Variants in UBR1 observed in about 807,000 individuals in gnomAD.
UBR1 encodes E3 ubiquitin-protein ligase UBR1.
Under a neutral mutation model 242.1 loss-of-function variants are expected in UBR1, and 102 were observed. The ratio of observed to expected loss-of-function variants is 0.42; its 90% CI spans 0.36 to 0.50. UBR1 has a LOEUF of 0.50. UBR1 is among the 20% of genes least tolerant of loss of function. The probability of loss-of-function intolerance (pLI) is 0.01; values close to 1 mark genes in which losing one functional copy is unlikely to be tolerated. For missense variants in UBR1, 1,772 were observed against 2,101.8 expected (o/e 0.84, Z 3.07); for synonymous variants, 675 against 684.8 (o/e 0.99, Z 0.22).
At position 43,032,615 on chromosome 15, in the gene UBR1, T is replaced by C. The variant is rs1328285200; in HGVS notation, c.2207A>G (p.Tyr736Cys). The C allele has an allele frequency of 6.5e-7, 1 of 1,528,862 alleles. No homozygotes were observed. The highest frequency in any genetic ancestry group is 9.0e-7 in the Non-Finnish European group (1 of 1,109,142). 94.7% of individuals were successfully genotyped at this position (1,528,862 alleles called of 1,614,324 possible). Residue 736 changes from tyrosine (Y) to cysteine (C), a missense_variant, in exon 20 of 47, where the codon TAT becomes TGT. Tyr to Cys is a radical substitution (Grantham distance 194). Coordinates refer to ENST00000290650, the MANE Select transcript of UBR1 (RefSeq NM_174916.3). ...AAGCATTTCTTCTATTAGTGTATTA[T>C]ATTGTTTAATCAAATCCTATAGAAT... The part of the protein sequence containing the change: ...STKDQDLIKQ[Y>C]NTLIEEMLQV...
intron 30 of UBR1, among the ~76,000 whole-genome samples, chr15:43,005,440 C>T (rs982567472): frequency 1.9e-4 from 28 of 151,286 alleles, no homozygotes; most frequent in Middle Eastern, 3.4e-3. Context: ...AGCCCCCGCC[C>T]GGCCAGCCAC....
In UBR1 at chr15:42,965,718, C is replaced by T. The variant is rs545941580; in HGVS notation, c.4591+435G>A. Among the ~76,000 whole-genome samples the T allele has an allele frequency of 5.3e-5, 8 of 152,260 alleles. No homozygotes were observed. The South Asian group carries it at 1.0e-3, about 20-fold the overall frequency. Reference sequence around the variant, plus strand: ...CTGACCTCAAGTGATCCACCCGCCTCGGCCTCCCAAAATGTTGGGATTATA... The same window carrying T: ...CTGACCTCAAGTGATCCACCCGCCTTGGCCTCCCAAAATGTTGGGATTATA... On this transcript the variant is annotated intron_variant, in intron 41 of 46. Coordinates refer to ENST00000290650, the MANE Select transcript of UBR1 (RefSeq NM_174916.3).
rs375764026 is a variant in UBR1 at position 43,067,985 on chromosome 15, T to C, written c.711A>G (p.Ser237=). The change falls in exon 6 of 47, where the codon TCA becomes TCG. Residue 237 remains serine, a synonymous_variant. Transcript: ENST00000290650. The part of the protein sequence containing the change: ...YCVLFNDEHH[S]YDHVIYSLQR... ...GTAGGCTGTATATGACGTGGTCATA[T>C]GAATGGTGTTCATCATTGAAAAGGA... The C allele has an allele frequency of 8.9e-5, 143 of 1,612,856 alleles. No homozygotes were observed. The highest frequency in any genetic ancestry group is 2.5e-4 in the East Asian group (11 of 44,842).
chr15:42,960,135 C>A (rs1377721742), intron 43 of UBR1, among the ~76,000 whole-genome samples: 2 of 152,022 alleles, frequency 1.3e-5, no homozygotes, highest in Non-Finnish European at 2.9e-5. Context: ...GAGGAGGTGG[C>A]ATTTAAATTA....
intron 19 of UBR1, 91 bp from the exon 20 acceptor site, chr15:43,032,722 G>C (rs1224178535): frequency 5.2e-6 from 4 of 768,848 alleles, no homozygotes; most frequent in Admixed American, 4.8e-5. Flanking sequence ...GGTCCATCCA[G>C]CCTAGTATTT....
At chr15:42,953,357 G>T (rs2031865305) in intron 44 of UBR1, among the ~76,000 whole-genome samples, 1 of 152,184 alleles carries the variant, frequency 6.6e-6, no homozygotes, top group Non-Finnish European at 1.5e-5. Flanking sequence ...CCGAAGGAGA[G>T]ATCCAACTAG....
intron 14 of UBR1, 102 bp from the exon 15 acceptor site, chr15:43,043,497 A>G (rs1314337976): frequency 1.8e-6 from 2 of 1,107,020 alleles, no homozygotes; most frequent in Non-Finnish European, 2.7e-6. Context: ...GCTGGAGTAC[A>G]GTGGCATAAT....
chr15:42,976,673 T>C (rs748199284), intron 39 of UBR1, 44 bp downstream of exon 39: 3 of 1,610,844 alleles, frequency 1.9e-6, no homozygotes, highest in African/African-American at 2.7e-5. Flanking sequence ...CAGTAAAGCA[T>C]GGCAAAATGT....
intron 4 of UBR1, 129 bp from the exon 5 acceptor site, chr15:43,071,054 T>C: frequency 7.7e-7 from 1 of 1,299,364 alleles, no homozygotes; most frequent in Non-Finnish European, 1.1e-6. Flanking sequence ...TGAATTCAAG[T>C]TGAGCTCAAG....
At chr15:43,014,721 G>A (rs1175058926) in intron 29 of UBR1, among the ~76,000 whole-genome samples, 28 of 150,492 alleles carry the variant, frequency 1.9e-4, no homozygotes, top group East Asian at 6.0e-4. Context: ...CCCTCCGCCC[G>A]GCAGCCACCC....
chr15:42,982,831 T>C (rs1014429589), intron 37 of UBR1, among the ~76,000 whole-genome samples: 2 of 152,316 alleles, frequency 1.3e-5, no homozygotes, highest in Admixed American at 1.3e-4. Flanking sequence ...GAAATATATC[T>C]GGGAAGTGCA....
At chr15:43,056,500 C>T (rs1002937801) in intron 10 of UBR1, 58 bp from the exon 11 acceptor site, 16 of 1,204,152 alleles carry the variant, frequency 1.3e-5, no homozygotes, top group Non-Finnish European at 1.9e-5. Flanking sequence ...TTTAAAAAAT[C>T]CCAATTTTAA....
chr15:43,037,201 A>G (rs987095071), intron 17 of UBR1, among the ~76,000 whole-genome samples: 1 of 151,918 alleles, frequency 6.6e-6, no homozygotes, highest in Non-Finnish European at 1.5e-5. Context: ...CACAAAAATT[A>G]GCCGGGCATA....
intron 35 of UBR1, chr15:42,988,554 T>C (rs1378860850): frequency 9.4e-6 from 4 of 427,744 alleles, no homozygotes; most frequent in Non-Finnish European, 1.7e-5. Flanking sequence ...AAGCTCAGCC[T>C]CCCAGGCATA....
chr15:43,082,741 C>G (rs771298998), intron 2 of UBR1, 25 bp from the exon 3 acceptor site: 3 of 1,596,912 alleles, frequency 1.9e-6, no homozygotes, highest in Non-Finnish European at 2.6e-6. Flanking sequence ...AAATCAGATT[C>G]CAAAATTTAG....
chr15:42,982,790 C>A (rs150314764), intron 37 of UBR1, among the ~76,000 whole-genome samples: 49 of 152,216 alleles, frequency 3.2e-4, no homozygotes, highest in African/African-American at 1.1e-3. Flanking sequence ...GGATTTAAAG[C>A]GTAAAAAATC....
chr15:43,010,818 CAAAAAA>C (rs768275252), intron 29 of UBR1, among the ~76,000 whole-genome samples: 32 of 56,978 alleles, frequency 5.6e-4, no homozygotes, highest in Non-Finnish European at 7.9e-4. Flanking sequence ...ACTAAAAATA[CAAAAAA>C]AAAAAAAAAA....
intron 8 of UBR1, among the ~76,000 whole-genome samples, chr15:43,059,449 A>G (rs1298368282): frequency 6.6e-6 from 1 of 152,126 alleles, no homozygotes; most frequent in African/African-American, 2.4e-5. Flanking sequence ...CCCACATTTG[A>G]GGCAAAGAAT....
chr15:42,952,133 A>T, intron 45 of UBR1, 145 bp downstream of exon 45: 1 of 1,013,644 alleles, frequency 9.9e-7, no homozygotes. Flanking sequence ...ATCTTCTCAA[A>T]TGCAATTTCA....
Sources: gnomAD v4.1 joint callset for allele counts (sites outside exome capture counted in the v4.1 genomes callset) on GRCh38, gnomAD v4.1.1 for gene constraint, MANE v1.5 for transcripts, NCBI Gene and HGNC (gene_info 2026-07-23, HGNC 2026-07-21) for gene names.